RAB39A: variants seen among roughly 807,000 people sequenced by gnomAD.
RAB39A encodes the protein RAB39A, member RAS oncogene family.
A neutral mutation model predicts 20.9 loss-of-function variants in RAB39A; 17 were observed. The ratio of observed to expected loss-of-function variants is 0.81; its 90% CI spans 0.56 to 1.22. The LOEUF (loss-of-function observed/expected upper bound fraction) is 1.22, where lower values mean the gene tolerates loss of function less well. Among genes scored for constraint, RAB39A ranks in the 50% most tolerant of loss-of-function variants. The pLI is 0.00. For synonymous variants in RAB39A, 99 were observed against 103.4 expected, an observed-to-expected ratio of 0.96 and a Z score of 0.26; for missense variants, 234 against 270.5, an observed-to-expected ratio of 0.87 and a Z score of 0.95.
At chr11:107,929,430 G>A (rs1861115179) in intron 1 of RAB39A, among the ~76,000 whole-genome samples, 1 of 152,194 alleles carries the variant, frequency 6.6e-6, no homozygotes, top group Admixed American at 6.5e-5. Flanking sequence ...TGACCCGTGG[G>A]AATGGGTCTT....
At chr11:107,950,349 G>T (rs1405105302) in intron 1 of RAB39A, among the ~76,000 whole-genome samples, 1 of 152,114 alleles carries the variant, frequency 6.6e-6, no homozygotes, top group Non-Finnish European at 1.5e-5. Context: ...CTCAGCATTT[G>T]AATGCTGCCT....
At chr11:107,944,289 C>A (rs1379132147) in intron 1 of RAB39A, among the ~76,000 whole-genome samples, 1 of 152,004 alleles carries the variant, frequency 6.6e-6, no homozygotes, top group Non-Finnish European at 1.5e-5. Context: ...CTTCTTATAT[C>A]CCATTGATCC....
At chr11:107,946,454 A>T (rs1591245494) in intron 1 of RAB39A, among the ~76,000 whole-genome samples, 11 of 61,920 alleles carry the variant, frequency 1.8e-4, no homozygotes, top group East Asian at 8.1e-4. Context: ...ATATATATAT[A>T]TATATATTTT....
chr11:107,961,943 C>T lies in RAB39A; in HGVS notation c.228-3C>T. On this transcript the variant is annotated splice_region_variant and splice_polypyrimidine_tract_variant and intron_variant, in intron 1 of 1. Coordinates refer to ENST00000320578, the MANE Select transcript of RAB39A (RefSeq NM_017516.3). ...TACAACCTTTTTTCTCTTCATTTTTCAGATCAATAACCCGATCTTATTACC... is the reference window on the plus strand; with the variant it reads ...TACAACCTTTTTTCTCTTCATTTTTTAGATCAATAACCCGATCTTATTACC... 6.3e-7 allele frequency: 1 copy of T among 1,595,902 alleles called. No homozygotes were observed. The highest frequency in any genetic ancestry group is 8.5e-7 in the Non-Finnish European group (1 of 1,169,612).
At chr11:107,936,943 A>G (rs1861200440) in intron 1 of RAB39A, among the ~76,000 whole-genome samples, 3 of 151,880 alleles carry the variant, frequency 2.0e-5, no homozygotes, top group African/African-American at 7.2e-5. Flanking sequence ...CCAAAAAAAA[A>G]AAAACAAATG....
chr11:107,944,598 G>A (rs1861290922), intron 1 of RAB39A, among the ~76,000 whole-genome samples: 1 of 152,054 alleles, frequency 6.6e-6, no homozygotes, highest in African/African-American at 2.4e-5. Flanking sequence ...TGTTAGCCAG[G>A]CTGGTCTCGA....
At chr11:107,945,185 A>G (rs1457985420) in intron 1 of RAB39A, among the ~76,000 whole-genome samples, 1 of 147,168 alleles carries the variant, frequency 6.8e-6, no homozygotes, top group Non-Finnish European at 1.5e-5. Flanking sequence ...CTCCATCTCA[A>G]AAAAAAAAAA....
intron 1 of RAB39A, among the ~76,000 whole-genome samples, chr11:107,939,447 A>G (rs1246849427): frequency 6.7e-6 from 1 of 149,318 alleles, no homozygotes; most frequent in African/African-American, 2.5e-5. Context: ...TCTACTAAAA[A>G]TACAAAAAAA....
intron 1 of RAB39A, among the ~76,000 whole-genome samples, chr11:107,931,289 T>C (rs187474827): frequency 2.6e-4 from 40 of 152,332 alleles, no homozygotes; most frequent in Middle Eastern, 3.4e-3. Flanking sequence ...TAGATGATTG[T>C]TTTTTAATGC....
chr11:107,935,042 C>T lies in RAB39A; in HGVS notation c.227+6247C>T, dbSNP rs561024823. On this transcript the variant is annotated intron_variant, in intron 1 of 1. Transcript: ENST00000320578. ...AAATCTTCCCGGCCTTTGCCTGCCT[C>T]TCCATGTTTTTTCCCCTAGCTCCTC... Among the ~76,000 whole-genome samples, 21 of 151,658 alleles carry T rather than the reference C, an allele frequency of 1.4e-4. No individual in the cohort carries two copies. In the South Asian group the frequency reaches 4.0e-3, roughly 29 times the overall value.
chr11:107,944,104 A>AT (rs1861286286), intron 1 of RAB39A, among the ~76,000 whole-genome samples: 1 of 151,812 alleles, frequency 6.6e-6, no homozygotes, highest in South Asian at 2.1e-4. Context: ...CAAAAAAAAA[A>AT]AAAAATAATA....
chr11:107,936,690 G>T (rs930340428), intron 1 of RAB39A, among the ~76,000 whole-genome samples: 1 of 152,038 alleles, frequency 6.6e-6, no homozygotes, highest in Non-Finnish European at 1.5e-5. Flanking sequence ...AAAAGAAAAC[G>T]ATTTTTTGTT....
chr11:107,944,328 G>A (rs990553482), intron 1 of RAB39A, among the ~76,000 whole-genome samples: 8 of 152,144 alleles, frequency 5.3e-5, no homozygotes, highest in African/African-American at 1.9e-4. Context: ...ACAACTAGCT[G>A]CAGGAGAAGC....
At position 107,961,930 on chromosome 11, in the gene RAB39A, T is replaced by C. The variant is rs1861500030; in HGVS notation, c.228-16T>C. 6.3e-7 allele frequency: 1 copy of C among 1,586,758 alleles called. No homozygotes were observed. Among genetic ancestry groups the C allele is most frequent in the South Asian group, 1.1e-5 (1 of 87,084 alleles). On this transcript the variant is annotated splice_polypyrimidine_tract_variant and intron_variant, in intron 1 of 1. Coordinates refer to ENST00000320578, the MANE Select transcript of RAB39A (RefSeq NM_017516.3). ...CAAGTTGTCCTTATACAACCTTTTTTCTCTTCATTTTTCAGATCAATAACC... is the reference window on the plus strand; with the variant it reads ...CAAGTTGTCCTTATACAACCTTTTTCCTCTTCATTTTTCAGATCAATAACC...
At chr11:107,933,790 AG>A (rs1379557084) in intron 1 of RAB39A, among the ~76,000 whole-genome samples, 1 of 151,198 alleles carries the variant, frequency 6.6e-6, no homozygotes, top group African/African-American at 2.4e-5. Flanking sequence ...CCTCCTGAGT[AG>A]CTGGGATTAC....
chr11:107,954,601 T>A (rs1861414957), intron 1 of RAB39A, among the ~76,000 whole-genome samples: 1 of 152,216 alleles, frequency 6.6e-6, no homozygotes, highest in Admixed American at 6.5e-5. Flanking sequence ...GACCTTCAAG[T>A]TCTCCATTGA....
intron 1 of RAB39A, among the ~76,000 whole-genome samples, chr11:107,957,951 G>T (rs1654099463): frequency 6.6e-6 from 1 of 151,626 alleles, no homozygotes; most frequent in Admixed American, 6.6e-5. Context: ...GAGTGCAATG[G>T]TGTGATCTCA....
intron 1 of RAB39A, among the ~76,000 whole-genome samples, chr11:107,958,512 A>C (rs1332716994): frequency 3.9e-5 from 6 of 152,198 alleles, no homozygotes; most frequent in Non-Finnish European, 8.8e-5. Context: ...TGATAGCAAC[A>C]GTGCCCAATT....
At chr11:107,942,587 GTGC>G (rs1861270602) in intron 1 of RAB39A, among the ~76,000 whole-genome samples, 1 of 152,136 alleles carries the variant, frequency 6.6e-6, no homozygotes, top group African/African-American at 2.4e-5. Flanking sequence ...GCCTTCCAAA[GTGC>G]TGCGATTACA....
Sources: gnomAD v4.1 joint callset for allele counts (sites outside exome capture counted in the v4.1 genomes callset) on GRCh38, gnomAD v4.1.1 for gene constraint, MANE v1.5 for transcripts, NCBI Gene and HGNC (gene_info 2026-07-23, HGNC 2026-07-21) for gene names.